Variants in NPAS3 observed in about 807,000 individuals in gnomAD.
The protein encoded by NPAS3 is neuronal PAS domain-containing protein 3.
Under a neutral mutation model 73.1 loss-of-function variants are expected in NPAS3, and 14 were observed. The observed-to-expected ratio is 0.19, with a 90% CI of 0.13 to 0.30. The LOEUF (loss-of-function observed/expected upper bound fraction) is 0.30, where lower values mean the gene tolerates loss of function less well. Ranked by LOEUF, NPAS3 falls within the 10% of genes least tolerant of loss-of-function variation. The probability of loss-of-function intolerance (pLI) is 1.00; values close to 1 mark genes in which losing one functional copy is unlikely to be tolerated. For missense variants in NPAS3, 1,096 were observed against 1,250.0 expected (o/e 0.88, Z 1.86); for synonymous variants, 620 against 541.5 (o/e 1.14, Z -2.01).
intron 1 of NPAS3, among the ~76,000 whole-genome samples, chr14:33,050,892 A>G (rs1440413983): frequency 6.6e-6 from 1 of 152,232 alleles, no homozygotes; most frequent in Non-Finnish European, 1.5e-5. Context: ...AGCACTTTAC[A>G]CAATTATCTC....
chr14:33,773,413 G>A (rs1437122537), intron 7 of NPAS3, among the ~76,000 whole-genome samples: 1 of 152,102 alleles, frequency 6.6e-6, no homozygotes, highest in Non-Finnish European at 1.5e-5. Context: ...ATGTGTGCAC[G>A]CACACCCCCA....
intron 4 of NPAS3, among the ~76,000 whole-genome samples, chr14:33,463,894 A>G (rs2050385721): frequency 6.6e-6 from 1 of 152,094 alleles, no homozygotes; most frequent in Admixed American, 6.5e-5. Context: ...TGCAGTGGGG[A>G]TGGGAGGTTT....
chr14:33,426,180 A>C (rs1336825104), intron 4 of NPAS3, among the ~76,000 whole-genome samples: 2 of 152,068 alleles, frequency 1.3e-5, no homozygotes, highest in Non-Finnish European at 2.9e-5. Context: ...AAAGGAGATG[A>C]GAGTGCAAGA....
intron 2 of NPAS3, among the ~76,000 whole-genome samples, chr14:33,109,124 A>G (rs1369816817): frequency 1.3e-5 from 2 of 152,186 alleles, no homozygotes; most frequent in African/African-American, 4.8e-5. Flanking sequence ...ACATCTCTAT[A>G]TTACCACAAT....
chr14:33,768,780 G>A (rs536060055), intron 7 of NPAS3, among the ~76,000 whole-genome samples: 119 of 152,038 alleles, frequency 7.8e-4, no homozygotes, highest in Admixed American at 3.9e-3. Context: ...TATTTTTACC[G>A]CCCCCCACCA....
intron 7 of NPAS3, among the ~76,000 whole-genome samples, chr14:33,750,818 G>T (rs1015972140): frequency 6.6e-6 from 1 of 152,148 alleles, no homozygotes; most frequent in Non-Finnish European, 1.5e-5. Flanking sequence ...ACAAAGAAAT[G>T]ATAATGAGAT....
intron 1 of NPAS3, among the ~76,000 whole-genome samples, chr14:32,998,452 A>G (rs914831051): frequency 5.3e-5 from 8 of 152,132 alleles, no homozygotes; most frequent in African/African-American, 1.7e-4. Context: ...AATTAGATAG[A>G]GGTAGTGGTT....
chr14:33,344,448 T>C (rs2044634246), intron 3 of NPAS3, among the ~76,000 whole-genome samples: 1 of 152,156 alleles, frequency 6.6e-6, no homozygotes, highest in African/African-American at 2.4e-5. Context: ...TTGAATTTCA[T>C]TTGCTGTAAT....
chr14:33,473,619 A>G (rs973583926), intron 4 of NPAS3, among the ~76,000 whole-genome samples: 1 of 152,170 alleles, frequency 6.6e-6, no homozygotes, highest in Admixed American at 6.5e-5. Context: ...AACCAAACAC[A>G]TACATCGACA....
At chr14:32,966,604 A>AGCAAGGATTTTTTTGAATAAGAC (rs2037172658) in intron 1 of NPAS3, among the ~76,000 whole-genome samples, 1 of 135,106 alleles carries the variant, frequency 7.4e-6, no homozygotes, top group Non-Finnish European at 1.6e-5. Flanking sequence ...CCCCGTCTCT[A>AGCAAGGATTTTTTTGAATAAGAC]CTAAAAATAC....
At chr14:33,434,858 T>C (rs2048921914) in intron 4 of NPAS3, among the ~76,000 whole-genome samples, 1 of 152,186 alleles carries the variant, frequency 6.6e-6, no homozygotes, top group Admixed American at 6.5e-5. Flanking sequence ...CAGTAGATGA[T>C]GCACCAAGCT....
chr14:33,603,763 T>C (rs2057470535), intron 5 of NPAS3, among the ~76,000 whole-genome samples: 1 of 151,062 alleles, frequency 6.6e-6, no homozygotes, highest in Non-Finnish European at 1.5e-5. Context: ...GCAACGGGAG[T>C]GAATATATTG....
intron 4 of NPAS3, among the ~76,000 whole-genome samples, chr14:33,410,232 TAC>T (rs2047862661): frequency 6.6e-6 from 1 of 152,198 alleles, no homozygotes; most frequent in Non-Finnish European, 1.5e-5. Context: ...TTTTTCTGCC[TAC>T]AGTTACATTG....
At chr14:33,139,315 C>A (rs911318544) in intron 2 of NPAS3, among the ~76,000 whole-genome samples, 1 of 152,180 alleles carries the variant, frequency 6.6e-6, no homozygotes, top group African/African-American at 2.4e-5. Flanking sequence ...CCCATTGCAC[C>A]AAAACCCATA....
At chr14:33,101,503 G>A (rs1012070367) in intron 2 of NPAS3, among the ~76,000 whole-genome samples, 1 of 152,092 alleles carries the variant, frequency 6.6e-6, no homozygotes, top group Non-Finnish European at 1.5e-5. Flanking sequence ...TTTAAAAATT[G>A]TATCTTTAAA....
chr14:32,939,225 C>CCACGCA (rs1162803138), upstream of NPAS3: 2 of 512,458 alleles, frequency 3.9e-6, no homozygotes, highest in Admixed American at 2.7e-5. Flanking sequence ...TCCCGCCACC[C>CCACGCA]CACGCACACG....
chr14:33,699,151 CA>C (rs201448037), intron 6 of NPAS3, among the ~76,000 whole-genome samples: 2 of 150,644 alleles, frequency 1.3e-5, no homozygotes, highest in African/African-American at 4.9e-5. Context: ...TTTAACGTTT[CA>C]AAAAAAAACA....
rs143798947 is a variant in NPAS3 at position 33,582,919 on chromosome 14, C to T, written c.558+22709C>T. On this transcript the variant is annotated intron_variant, in intron 5 of 11. Transcript: ENST00000356141. Reference sequence around the variant, plus strand: ...GACTAGTTGATTTTAGTTAAAAATACATAGATATTTCTTCACCTCACTACT... The same window carrying T: ...GACTAGTTGATTTTAGTTAAAAATATATAGATATTTCTTCACCTCACTACT... Among the ~76,000 whole-genome samples, 85 of 142,344 alleles carry T rather than the reference C, an allele frequency of 6.0e-4. 1 individual carries two copies. In the East Asian group the frequency reaches 0.012, roughly 21 times the overall value. 93.4% of individuals were successfully genotyped at this position (142,344 alleles called of 152,430 possible). A position where few individuals can be genotyped will look rare whatever the true frequency, so the allele number is the denominator to read the frequency against.
chr14:33,000,529 A>C (rs551672369), intron 1 of NPAS3, among the ~76,000 whole-genome samples: 1 of 152,324 alleles, frequency 6.6e-6, no homozygotes, highest in Non-Finnish European at 1.5e-5. Context: ...TATGAGTAGA[A>C]GTTTGAACTT....
Sources: allele counts gnomAD v4.1 joint callset (sites outside exome capture counted in the v4.1 genomes callset), GRCh38; gene constraint gnomAD v4.1.1; transcripts MANE v1.5; gene names NCBI Gene and HGNC (gene_info 2026-07-23, HGNC 2026-07-21).